PCDH10: variants seen among roughly 807,000 people sequenced by gnomAD.
The protein encoded by PCDH10 is protocadherin 10.
A neutral mutation model predicts 74.4 loss-of-function variants in PCDH10; 15 were observed. The ratio of observed to expected loss-of-function variants is 0.20; its 90% CI spans 0.13 to 0.31. The LOEUF (loss-of-function observed/expected upper bound fraction) is 0.31. Ranked by LOEUF, PCDH10 falls within the 10% of genes least tolerant of loss-of-function variation. The pLI, the probability that PCDH10 is intolerant of heterozygous loss-of-function variation, is 1.00. For synonymous variants in PCDH10, 619 were observed against 589.8 expected (o/e 1.05, Z -0.72); for missense variants, 1,260 against 1,390.2 (o/e 0.91, Z 1.49).
At position 133,193,439 on chromosome 4, in the gene PCDH10, T is replaced by A. The variant is rs1448579187; in HGVS notation, c.*3279T>A. The A allele has an allele frequency of 6.6e-6, 1 of 151,708 alleles. No individual in the cohort carries two copies. Among genetic ancestry groups the A allele is most frequent in the African/African-American group, 2.4e-5 (1 of 41,444 alleles). 9.4% of individuals were successfully genotyped at this position (151,708 alleles called of 1,614,324 possible). On this transcript the variant is annotated 3_prime_UTR_variant, in exon 5 of 5. Transcript: ENST00000264360. ...TTGTTAATTGGATTGTAATTTGCCA[T>A]CAGATTCTCTGTATTATAGAAGCTA...
chr4:133,201,940 G>A (rs1020015825), intron 2 of PCDH10, among the ~76,000 whole-genome samples: 2 of 151,854 alleles, frequency 1.3e-5, no homozygotes, highest in African/African-American at 4.8e-5. Context: ...TTATCTTTGG[G>A]AGCAGAGTGA....
At chr4:133,205,721 G>A (rs1192041374) in intron 2 of PCDH10, among the ~76,000 whole-genome samples, 1 of 151,610 alleles carries the variant, frequency 6.6e-6, no homozygotes, top group African/African-American at 2.4e-5. Context: ...ACTTTCTAGG[G>A]TATTTTCTTA....
In PCDH10 at chr4:133,149,389, G is replaced by A. The variant is rs1289439637; in HGVS notation, c.-752G>A. 1 of 152,596 alleles carries A rather than the reference G, an allele frequency of 6.6e-6. No homozygotes were observed. The highest frequency in any genetic ancestry group is 1.5e-5 in the Non-Finnish European group (1 of 68,422). The allele number at this position is 152,596 out of a possible 1,614,324, so 9.5% of individuals were successfully genotyped here. A position where few individuals can be genotyped will look rare whatever the true frequency, so the allele number is the denominator to read the frequency against. The stretch of plus-strand genomic sequence containing the variant: ...GACAGGTTAGAGGGAAAGAGGCTTG[G>A]GAAGAAAACAGCAGAAAAGAAACTG... On this transcript the variant is annotated 5_prime_UTR_variant, in exon 1 of 5. Transcript: ENST00000264360.
chr4:133,163,766 T>A (rs1033473147), intron 4 of PCDH10: 1 of 350,558 alleles, frequency 2.9e-6, no homozygotes, highest in African/African-American at 2.2e-5. Context: ...TTATTTCATC[T>A]ACTACAAAAA....
intron 4 of PCDH10, 139 bp from the exon 5 acceptor site, chr4:133,190,001 GA>G: frequency 1.5e-6 from 1 of 685,792 alleles, no homozygotes; most frequent in Admixed American, 2.6e-5. Flanking sequence ...TACTAGCAGT[GA>G]AAAAGTTTGA....
chr4:133,189,245 T>G (rs1435743249), intron 4 of PCDH10, among the ~76,000 whole-genome samples: 1 of 152,154 alleles, frequency 6.6e-6, no homozygotes, highest in Admixed American at 6.6e-5. Context: ...GAAAATTTAA[T>G]CTAAATTCAA....
chr4:133,179,779 T>C (rs763712112), intron 4 of PCDH10, among the ~76,000 whole-genome samples: 8 of 152,136 alleles, frequency 5.3e-5, no homozygotes, highest in Non-Finnish European at 1.2e-4. Context: ...GGGTCCCATG[T>C]TCCATAACTG....
At chr4:133,155,633 G>T (rs1726850685) in intron 3 of PCDH10, among the ~76,000 whole-genome samples, 1 of 152,104 alleles carries the variant, frequency 6.6e-6, no homozygotes, top group African/African-American at 2.4e-5. Context: ...AAGTGTCCTT[G>T]GTTTCTTCAT....
chr4:133,178,781 T>C (rs1376917901), intron 4 of PCDH10, among the ~76,000 whole-genome samples: 1 of 152,120 alleles, frequency 6.6e-6, no homozygotes, highest in Non-Finnish European at 1.5e-5. Context: ...TGTGAGTGTC[T>C]CTCTATGAAA....
At chr4:133,200,595 C>A (rs28555107) in intron 2 of PCDH10, among the ~76,000 whole-genome samples, 28,740 of 152,006 alleles carry the variant, frequency 0.19, 4,534 homozygotes, top group African/African-American at 0.43. Flanking sequence ...AGCAATTAAT[C>A]TTATTTTCTA....
At chr4:133,165,162 G>A (rs1333744817) in intron 4 of PCDH10, among the ~76,000 whole-genome samples, 5 of 150,146 alleles carry the variant, frequency 3.3e-5, no homozygotes, top group Non-Finnish European at 7.4e-5. Context: ...ATCTGTTTTA[G>A]CCAGTTCACA....
chr4:133,186,841 C>T (rs1047934587), intron 4 of PCDH10, among the ~76,000 whole-genome samples: 1 of 152,048 alleles, frequency 6.6e-6, no homozygotes. Flanking sequence ...CCTCAGCCTC[C>T]GAGGTAGCTG....
At chr4:133,154,466 T>C in intron 2 of PCDH10, 101 bp downstream of exon 2, 1 of 644,988 alleles carries the variant, frequency 1.6e-6, no homozygotes, top group Non-Finnish European at 2.7e-6. Flanking sequence ...ATGTATAAAA[T>C]ATTTTCAATT....
Position 133,163,075 on chromosome 4 carries a change from G to A in PCDH10, c.2896G>A (p.Ala966Thr). ...PSFVPSDGRQ[A>T]ADYRSNLHVP... ...TTTTGTCCCTTCTGATGGACGCCAG[G>A]CTGCTGATTATCGCAGCAATCTGCA... Residue 966 changes from alanine (A) to threonine (T), a missense_variant, in exon 4 of 5, where the codon GCT becomes ACT. Physicochemically the swap from Ala to Thr is moderately conservative, Grantham distance 58. Coordinates refer to ENST00000264360, the MANE Select transcript of PCDH10 (RefSeq NM_032961.3). The A allele has an allele frequency of 6.2e-7, 1 of 1,614,148 alleles. No homozygotes were observed. Among genetic ancestry groups the A allele is most frequent in the Non-Finnish European group, 8.5e-7 (1 of 1,179,994 alleles).
chr4:133,199,061 C>T (rs1051667974), downstream of PCDH10, among the ~76,000 whole-genome samples: 3 of 151,846 alleles, frequency 2.0e-5, no homozygotes, highest in Admixed American at 6.6e-5. Context: ...GTGGACGGAT[C>T]GCTTGAGCTC....
intron 3 of PCDH10, among the ~76,000 whole-genome samples, chr4:133,160,607 C>A (rs1726948688): frequency 6.7e-6 from 1 of 149,634 alleles, no homozygotes; most frequent in Non-Finnish European, 1.5e-5. Context: ...CAAAATCAAG[C>A]AGTATCCTAA....
rs2125875059 is a variant in PCDH10 at position 133,193,378 on chromosome 4, A to G, written c.*3218A>G. On this transcript the variant is annotated 3_prime_UTR_variant, in exon 5 of 5. Transcript: ENST00000264360. ...AACATTGCAAATTAAGAACTATAGT[A>G]GAATATTTAAATATTTTAATTTCTC... is the stretch of plus-strand genomic sequence containing the variant. 1 of 151,856 alleles carries G rather than the reference A, an allele frequency of 6.6e-6. No individual in the cohort carries two copies. Among genetic ancestry groups the G allele is most frequent in the East Asian group, 1.9e-4 (1 of 5,190 alleles). 9.4% of individuals were successfully genotyped at this position (151,856 alleles called of 1,614,324 possible). A position where few individuals can be genotyped will look rare whatever the true frequency, so the allele number is the denominator to read the frequency against.
chr4:133,168,774 T>A (rs1033589626), intron 4 of PCDH10, among the ~76,000 whole-genome samples: 2 of 151,726 alleles, frequency 1.3e-5, no homozygotes, highest in Non-Finnish European at 3.0e-5. Context: ...ATTTTTAAAG[T>A]ATGCAAAATT....
rs1038586911 is a variant in PCDH10, at chr4:133,154,910, C to T, written c.2691-7C>T. 2.9e-5 allele frequency: 46 copies of T among 1,569,412 alleles called. No individual in the cohort carries two copies. The highest frequency in any genetic ancestry group is 3.9e-5 in the Non-Finnish European group (44 of 1,140,110). The stretch of plus-strand genomic sequence containing the variant: ...TTATTCTAATATTCACATTTTTGTA[C>T]TTCTAGTTCTGCATTCCAGGAAGCC... On this transcript the variant is annotated splice_polypyrimidine_tract_variant and splice_region_variant and intron_variant, in intron 2 of 4. Coordinates refer to ENST00000264360, the MANE Select transcript of PCDH10 (RefSeq NM_032961.3).
Sources: gnomAD v4.1 joint callset for allele counts (sites outside exome capture counted in the v4.1 genomes callset) on GRCh38, gnomAD v4.1.1 for gene constraint, MANE v1.5 for transcripts, NCBI Gene and HGNC (gene_info 2026-07-23, HGNC 2026-07-21) for gene names.